BAZ2B: variants seen among roughly 807,000 people sequenced by gnomAD.
The protein encoded by BAZ2B is bromodomain adjacent to zinc finger domain protein 2B.
BAZ2B carries 91 observed loss-of-function variants against 246.0 expected under a neutral mutation model. The observed-to-expected ratio is 0.37, with a 90% CI of 0.31 to 0.44. The LOEUF (loss-of-function observed/expected upper bound fraction) is 0.44. BAZ2B is among the 20% of genes least tolerant of loss of function. The pLI, the probability that BAZ2B is intolerant of heterozygous loss-of-function variation, is 1.00. For synonymous variants in BAZ2B, 855 were observed against 860.0 expected, an observed-to-expected ratio of 0.99 and a Z score of 0.10; for missense variants, 2,332 against 2,533.7, an observed-to-expected ratio of 0.92 and a Z score of 1.71.
chr2:159,392,825 G>A (rs537252047), intron 20 of BAZ2B, among the ~76,000 whole-genome samples: 3 of 152,204 alleles, frequency 2.0e-5, no homozygotes, highest in South Asian at 2.1e-4. Context: ...GTTATTAAAC[G>A]AATTCAATAG....
chr2:159,366,573 T>A (rs116331940), intron 27 of BAZ2B, among the ~76,000 whole-genome samples: 1 of 152,326 alleles, frequency 6.6e-6, no homozygotes, highest in African/African-American at 2.4e-5. Flanking sequence ...GCTCTTGCCT[T>A]GAATAGTCAC....
intron 2 of BAZ2B, among the ~76,000 whole-genome samples, chr2:159,504,645 T>C (rs2082150756): frequency 6.6e-6 from 1 of 152,216 alleles, no homozygotes; most frequent in Non-Finnish European, 1.5e-5. Flanking sequence ...GCTAATTTTA[T>C]TTTACTAAAA....
chr2:159,396,578 A>G (rs575343304), intron 19 of BAZ2B: 22 of 152,324 alleles, frequency 1.4e-4, no homozygotes, highest in Admixed American at 1.3e-3. Context: ...TTACTTTTAA[A>G]ATAAAAAAAT....
intron 8 of BAZ2B, chr2:159,434,556 G>C (rs2071828833): frequency 6.6e-6 from 1 of 152,008 alleles, no homozygotes; most frequent in African/African-American, 2.4e-5. Flanking sequence ...CCTCTAAGGA[G>C]ATAACTTAAC....
chr2:159,688,060 A>C, the BAZ2B span, among the ~76,000 whole-genome samples: 6 of 152,266 alleles, frequency 3.9e-5, no homozygotes, highest in Admixed American at 3.9e-4. Context: ...TTGTTTTTTA[A>C]GGCAGAGTCT....
chr2:159,318,358 T>C (rs1467628276), downstream of BAZ2B, among the ~76,000 whole-genome samples: 1 of 152,242 alleles, frequency 6.6e-6, no homozygotes, highest in Non-Finnish European at 1.5e-5. Flanking sequence ...TAACAGCTGA[T>C]TTTTCATATA....
intron 1 of BAZ2B, among the ~76,000 whole-genome samples, chr2:159,588,260 T>A (rs1284417233): frequency 6.7e-6 from 1 of 148,684 alleles, no homozygotes; most frequent in Non-Finnish European, 1.5e-5. Context: ...AAACAAAATG[T>A]GACAACACCT....
Position 159,320,387 on chromosome 2 carries a change from C to T in BAZ2B, c.6385G>A (p.Val2129Ile), listed in dbSNP as rs529278382. 1 of 1,575,794 alleles carries T rather than the reference C, an allele frequency of 6.3e-7. No homozygotes were observed. The highest frequency in any genetic ancestry group is 1.2e-5 in the South Asian group (1 of 83,400). Residue 2129 changes from valine to isoleucine, a missense_variant, in exon 37 of 37, where the codon GTC becomes ATC. Physicochemically the swap from Val to Ile is conservative, Grantham distance 29. Around this residue, in one of 9 missense-constraint regions of BAZ2B, gnomAD observed 210 missense variants for 232.5 expected, o/e 0.90. Coordinates refer to ENST00000392783, the MANE Select transcript of BAZ2B (RefSeq NM_013450.4). ...TCACAGTTGTCAAAAACAAGCCTGA[C>T]ATCTAGAGCAAAGGTTTCAAGGTTT... ...YPNLETFALD[V>I]RLVFDNCETF...
chr2:159,556,608 GCACCACCA>G (rs2089167744), intron 1 of BAZ2B, among the ~76,000 whole-genome samples: 2 of 145,092 alleles, frequency 1.4e-5, no homozygotes, highest in South Asian at 4.2e-4. Flanking sequence ...CTACAAGTGT[GCACCACCA>G]CACCCAGCTA....
chr2:159,403,805 C>G (rs1405689255), intron 16 of BAZ2B, among the ~76,000 whole-genome samples: 1 of 152,072 alleles, frequency 6.6e-6, no homozygotes, highest in Admixed American at 6.5e-5. Flanking sequence ...TGTTCATTAT[C>G]TCATTTATTC....
chr2:159,394,160 T>C (rs1339501223), intron 20 of BAZ2B, among the ~76,000 whole-genome samples: 2 of 152,022 alleles, frequency 1.3e-5, no homozygotes, highest in African/African-American at 4.8e-5. Context: ...AAACCCATGA[T>C]TGGTAGGGAA....
intron 27 of BAZ2B, among the ~76,000 whole-genome samples, chr2:159,370,821 G>A (rs2060769248): frequency 6.6e-6 from 1 of 151,824 alleles, no homozygotes; most frequent in Admixed American, 6.6e-5. Flanking sequence ...TTTATTTAGA[G>A]ACAGATCTTC....
intron 14 of BAZ2B, among the ~76,000 whole-genome samples, chr2:159,406,186 G>A (rs533563049): frequency 6.6e-6 from 1 of 152,328 alleles, no homozygotes; most frequent in South Asian, 2.1e-4. Flanking sequence ...CCATGGCTAA[G>A]AGGATGTTAG....
chr2:159,629,026 C>T, the BAZ2B span, among the ~76,000 whole-genome samples: 3 of 152,142 alleles, frequency 2.0e-5, no homozygotes, highest in African/African-American at 7.2e-5. Context: ...TGTGAACAGG[C>T]ACTTCTCAAA....
rs373193948 is a variant in BAZ2B, at chr2:159,382,742, C to A, written c.3822G>T (p.Leu1274=). 38 of 1,613,644 alleles carry A rather than the reference C, an allele frequency of 2.4e-5. No homozygotes were observed. Among genetic ancestry groups the A allele is most frequent in the Non-Finnish European group, 2.7e-5 (32 of 1,179,900 alleles). Reference sequence around the variant, plus strand: ...TGCCCAAGGGATGCTGCTCTTCTCCCAGATCAATGCCACCTGAAGTGTCTC... The same window carrying A: ...TGCCCAAGGGATGCTGCTCTTCTCCAAGATCAATGCCACCTGAAGTGTCTC... ...GKRDTSGGID[L]GEEQHPLGTP... The change falls in exon 25 of 37, where the codon CTG becomes CTT. Residue 1274 remains leucine, a synonymous_variant. Coordinates refer to ENST00000392783, the MANE Select transcript of BAZ2B (RefSeq NM_013450.4).
intron 36 of BAZ2B, 51 bp from the exon 37 acceptor site, chr2:159,320,469 TG>T: frequency 7.0e-7 from 1 of 1,435,610 alleles, no homozygotes; most frequent in Non-Finnish European, 9.4e-7. Flanking sequence ...GGATTTGTTT[TG>T]TAAACAAATG....
chr2:159,472,392 A>C (rs1035959741), intron 3 of BAZ2B, among the ~76,000 whole-genome samples: 4 of 152,198 alleles, frequency 2.6e-5, no homozygotes, highest in Non-Finnish European at 4.4e-5. Flanking sequence ...CTGCAAACAG[A>C]GACAATTTGA....
chr2:159,316,488 G>A (rs370476002), downstream of BAZ2B, among the ~76,000 whole-genome samples: 1 of 151,658 alleles, frequency 6.6e-6, no homozygotes. Flanking sequence ...TCAGGAGATC[G>A]AGACCATCCT....
chr2:159,505,728 G>A (rs1008846192), intron 2 of BAZ2B, among the ~76,000 whole-genome samples: 10 of 152,010 alleles, frequency 6.6e-5, no homozygotes, highest in East Asian at 3.9e-4. Context: ...ATAAGAAGGC[G>A]GCAAGAATAT....
Sources: gnomAD v4.1 joint callset for allele counts (sites outside exome capture counted in the v4.1 genomes callset) on GRCh38, gnomAD v4.1.1 for gene constraint, gnomAD v4.1.1 regional missense constraint, MANE v1.5 for transcripts, NCBI Gene and HGNC (gene_info 2026-07-23, HGNC 2026-07-21) for gene names.